TMEM131: variants seen among roughly 807,000 people sequenced by gnomAD.
The protein encoded by TMEM131 is 2610524E03Rik.
A neutral mutation model predicts 211.6 loss-of-function variants in TMEM131; 66 were observed. The observed-to-expected ratio is 0.31, with a 90% confidence interval of 0.26 to 0.38. TMEM131 has a LOEUF of 0.38. Among genes scored for constraint, TMEM131 ranks in the 10% least tolerant of loss-of-function variants. TMEM131 has a pLI of 1.00. For synonymous variants in TMEM131, 844 were observed against 841.3 expected, an observed-to-expected ratio of 1.00 and a Z score of -0.06; for missense variants, 2,036 against 2,299.3, an observed-to-expected ratio of 0.89 and a Z score of 2.34.
At chr2:97,855,278 A>C (rs1338484894) in intron 5 of TMEM131, among the ~76,000 whole-genome samples, 2 of 152,364 alleles carry the variant, frequency 1.3e-5, no homozygotes, top group East Asian at 3.9e-4. Flanking sequence ...ATAAAAAGCT[A>C]ATACACTCAA....
intron 4 of TMEM131, among the ~76,000 whole-genome samples, chr2:97,876,295 C>T (rs752643744): frequency 4.6e-5 from 7 of 152,160 alleles, no homozygotes; most frequent in Non-Finnish European, 1.0e-4. Context: ...GAGCTGGTAC[C>T]ATTCCTTCTG....
At chr2:97,847,008 A>G (rs1394632499) in intron 5 of TMEM131, among the ~76,000 whole-genome samples, 1 of 136,124 alleles carries the variant, frequency 7.3e-6, no homozygotes, top group Non-Finnish European at 1.5e-5. Context: ...GTGAAACCCC[A>G]CCTCTACTAA....
rs769940373 is a variant in TMEM131 at position 97,792,561 on chromosome 2, G to A, written c.3969C>T (p.Pro1323=). 1.9e-6 allele frequency: 3 copies of A among 1,613,060 alleles called. No individual in the cohort carries two copies. The highest frequency in any genetic ancestry group is 1.3e-5 in the African/African-American group (1 of 74,912). ...PQEPQPERLS[P]APLAHPSHPE... is the part of the protein sequence containing the mutation. ...GGTGGGAAGGGTGTGCGAGGGGGGC[G>A]GGAGACAGCCTTTCAGGCTGCGGCT... The change falls in exon 31 of 41, where the codon CCC becomes CCT. Residue 1323 remains proline (P), a synonymous_variant. Transcript: ENST00000186436.
At chr2:97,887,781 A>AC (rs1245636986) in intron 4 of TMEM131, 1 of 335,842 alleles carries the variant, frequency 3.0e-6, no homozygotes, top group Non-Finnish European at 5.4e-6. Flanking sequence ...ACAGCTAACT[A>AC]TAAGTTCTTT....
intron 5 of TMEM131, among the ~76,000 whole-genome samples, chr2:97,854,852 C>T (rs747344954): frequency 3.3e-5 from 5 of 152,168 alleles, no homozygotes; most frequent in Non-Finnish European, 5.9e-5. Flanking sequence ...TCACGCCCTT[C>T]GAGTCTTTGT....
At chr2:97,811,766 C>A (rs1031387399) in intron 17 of TMEM131, among the ~76,000 whole-genome samples, 6 of 152,226 alleles carry the variant, frequency 3.9e-5, no homozygotes, top group African/African-American at 1.4e-4. Context: ...TGTAAAACTG[C>A]CCCAAGAAAT....
chr2:97,867,646 T>C (rs963851731), intron 4 of TMEM131, among the ~76,000 whole-genome samples: 4 of 152,194 alleles, frequency 2.6e-5, no homozygotes, highest in African/African-American at 9.6e-5. Flanking sequence ...CTGCTGCATC[T>C]GGGATACAGC....
intron 11 of TMEM131, among the ~76,000 whole-genome samples, chr2:97,823,699 T>C (rs563462061): frequency 6.6e-6 from 1 of 152,158 alleles, no homozygotes; most frequent in South Asian, 2.1e-4. Context: ...TAAGAAGAAT[T>C]AGGAAAAAGC....
At chr2:97,894,313 T>C (rs962712708) in intron 3 of TMEM131, among the ~76,000 whole-genome samples, 6 of 152,238 alleles carry the variant, frequency 3.9e-5, no homozygotes, top group Admixed American at 1.3e-4. Context: ...TCAGGTAGCA[T>C]GATGCCTCTA....
intron 1 of TMEM131, among the ~76,000 whole-genome samples, chr2:97,974,920 G>T (rs1022999141): frequency 6.6e-6 from 1 of 152,082 alleles, no homozygotes; most frequent in Non-Finnish European, 1.5e-5. Flanking sequence ...GAATAAAGCA[G>T]GCAAAAAATC....
chr2:97,815,943 C>T (rs1439577918), intron 12 of TMEM131, among the ~76,000 whole-genome samples: 1 of 152,146 alleles, frequency 6.6e-6, no homozygotes, highest in African/African-American at 2.4e-5. Context: ...AAAAACCAGC[C>T]AACCCTAAAA....
intron 1 of TMEM131, among the ~76,000 whole-genome samples, chr2:97,978,137 T>C (rs1279693686): frequency 6.6e-6 from 1 of 152,132 alleles, no homozygotes; most frequent in Non-Finnish European, 1.5e-5. Context: ...CAATGAAGTT[T>C]GCTGCCATTT....
chr2:97,927,920 C>G (rs1024399817), intron 1 of TMEM131, among the ~76,000 whole-genome samples: 1 of 152,014 alleles, frequency 6.6e-6, no homozygotes, highest in Non-Finnish European at 1.5e-5. Flanking sequence ...ATGATATGAC[C>G]TGGGATCCAC....
chr2:97,769,827 G>T (rs1679381144), intron 33 of TMEM131, among the ~76,000 whole-genome samples: 1 of 152,162 alleles, frequency 6.6e-6, no homozygotes, highest in Non-Finnish European at 1.5e-5. Flanking sequence ...TTTTCCGGAG[G>T]TCTGCAGGCC....
intron 1 of TMEM131, among the ~76,000 whole-genome samples, chr2:97,993,648 C>G (rs1441837400): frequency 6.6e-6 from 1 of 152,166 alleles, no homozygotes; most frequent in East Asian, 1.9e-4. Flanking sequence ...TCTGATTCAC[C>G]CAGGCCACTG....
At chr2:97,926,856 T>C (rs548435358) in intron 2 of TMEM131, among the ~76,000 whole-genome samples, 1 of 152,284 alleles carries the variant, frequency 6.6e-6, no homozygotes, top group South Asian at 2.1e-4. Context: ...CCTTCCTCAA[T>C]CAATACAGAG....
At chr2:97,811,575 C>T (rs1438316660) in intron 17 of TMEM131, among the ~76,000 whole-genome samples, 1 of 152,210 alleles carries the variant, frequency 6.6e-6, no homozygotes. Flanking sequence ...TTCAGGCACA[C>T]TGGAGCCACA....
intron 7 of TMEM131, among the ~76,000 whole-genome samples, chr2:97,839,624 G>A (rs1683101279): frequency 6.6e-6 from 1 of 152,140 alleles, no homozygotes; most frequent in Non-Finnish European, 1.5e-5. Context: ...CCACATACAC[G>A]CATGCACAAG....
rs914062102 is a variant in TMEM131 at position 97,794,875 on chromosome 2, C to T, written c.3386+55G>A. The T allele has an allele frequency of 1.1e-5, 16 of 1,439,954 alleles. No individual in the cohort carries two copies. The East Asian group carries it at 1.2e-4, about 11-fold the overall frequency. 89.2% of individuals were successfully genotyped at this position (1,439,954 alleles called of 1,614,324 possible). On this transcript the variant is annotated intron_variant, in intron 29 of 40. Transcript: ENST00000186436. ...CAGTGGCTGGCACACAGTGGGCACT[C>T]GATCAACAGTGTTAAATGTTGAATG...
Sources: allele counts gnomAD v4.1 joint callset (sites outside exome capture counted in the v4.1 genomes callset), GRCh38; gene constraint gnomAD v4.1.1; transcripts MANE v1.5; gene names NCBI Gene and HGNC (gene_info 2026-07-23, HGNC 2026-07-21).